Variants in SPATS2 observed in about 807,000 individuals in gnomAD.
SPATS2 encodes the protein spermatogenesis-associated serine-rich protein 2.
SPATS2 carries 38 observed loss-of-function variants against 63.7 expected under a neutral mutation model. That is an observed-to-expected ratio of 0.60 (90% CI 0.46 to 0.78). SPATS2 has a LOEUF of 0.78. Ranked by LOEUF, SPATS2 falls within the 30% of genes least tolerant of loss-of-function variation. The pLI, the probability that SPATS2 is intolerant of heterozygous loss-of-function variation, is 0.00. For synonymous variants in SPATS2, 207 were observed against 232.9 expected, an observed-to-expected ratio of 0.89 and a Z score of 1.01; for missense variants, 588 against 666.2, an observed-to-expected ratio of 0.88 and a Z score of 1.29.
intron 2 of SPATS2, among the ~76,000 whole-genome samples, chr12:49,425,124 G>A (rs1025706781): frequency 2.0e-5 from 3 of 152,090 alleles, no homozygotes; most frequent in African/African-American, 7.2e-5. Context: ...TCTATTTACG[G>A]TTTTTTTAAG....
chr12:49,455,225 C>T (rs1945698565), intron 2 of SPATS2, among the ~76,000 whole-genome samples: 1 of 152,184 alleles, frequency 6.6e-6, no homozygotes, highest in Non-Finnish European at 1.5e-5. Context: ...CTTGCACCCT[C>T]TGTCTGTAGA....
intron 9 of SPATS2, among the ~76,000 whole-genome samples, chr12:49,502,751 C>T (rs1946586358): frequency 6.6e-6 from 1 of 152,210 alleles, no homozygotes; most frequent in Non-Finnish European, 1.5e-5. Context: ...GCCACTGCGC[C>T]TGGCTGTCTT....
intron 2 of SPATS2, among the ~76,000 whole-genome samples, chr12:49,454,880 T>TAAA (rs34249831): frequency 1.5e-5 from 2 of 129,682 alleles, no homozygotes; most frequent in Non-Finnish European, 1.7e-5. Flanking sequence ...GCTCTGTCTT[T>TAAA]AAAAAAAAAA....
At chr12:49,435,690 G>A (rs1306970338) in intron 2 of SPATS2, among the ~76,000 whole-genome samples, 3 of 137,238 alleles carry the variant, frequency 2.2e-5, no homozygotes, top group Non-Finnish European at 3.1e-5. Flanking sequence ...GGTGTTTCTC[G>A]CAGAGGGGGA....
At chr12:49,503,981 T>G (rs1363490829) in intron 9 of SPATS2, among the ~76,000 whole-genome samples, 1 of 152,188 alleles carries the variant, frequency 6.6e-6, no homozygotes, top group Non-Finnish European at 1.5e-5. Flanking sequence ...CCTTTCCTGC[T>G]AGTATAAAGC....
At chr12:49,374,323 C>G (rs1183384017) in intron 2 of SPATS2, among the ~76,000 whole-genome samples, 1 of 151,972 alleles carries the variant, frequency 6.6e-6, no homozygotes, top group Admixed American at 6.6e-5. Flanking sequence ...GAGACAGGGT[C>G]TTGCTTTGTT....
At chr12:49,520,956 T>C (rs1946931730) in intron 11 of SPATS2, among the ~76,000 whole-genome samples, 1 of 152,170 alleles carries the variant, frequency 6.6e-6, no homozygotes, top group Non-Finnish European at 1.5e-5. Flanking sequence ...TGACCCCAAG[T>C]GATGCACTCA....
At chr12:49,489,169 C>T (rs745909735) in intron 4 of SPATS2, among the ~76,000 whole-genome samples, 11 of 152,196 alleles carry the variant, frequency 7.2e-5, no homozygotes, top group Admixed American at 1.3e-4. Flanking sequence ...ATTGATGCCA[C>T]ATTAATACCT....
chr12:49,406,284 C>T (rs1565706189), intron 2 of SPATS2, among the ~76,000 whole-genome samples: 1 of 142,514 alleles, frequency 7.0e-6, no homozygotes, highest in African/African-American at 2.6e-5. Flanking sequence ...TTTTTGTAAA[C>T]TTTTTTTTTT....
chr12:49,395,569 C>T (rs567358610), intron 2 of SPATS2, among the ~76,000 whole-genome samples: 8 of 151,960 alleles, frequency 5.3e-5, no homozygotes, highest in East Asian at 3.9e-4. Flanking sequence ...GGATTACAGG[C>T]GCCCATCACC....
chr12:49,448,212 A>G (rs1945550645), intron 2 of SPATS2, among the ~76,000 whole-genome samples: 1 of 145,610 alleles, frequency 6.9e-6, no homozygotes, highest in Non-Finnish European at 1.5e-5. Context: ...ATCTCGGCTC[A>G]CTGCAAGCTC....
intron 2 of SPATS2, among the ~76,000 whole-genome samples, chr12:49,407,334 T>C (rs1944714312): frequency 1.3e-5 from 2 of 152,156 alleles, no homozygotes; most frequent in Non-Finnish European, 2.9e-5. Flanking sequence ...ACTCCTTTGC[T>C]CAAGATCTTC....
intron 7 of SPATS2, among the ~76,000 whole-genome samples, chr12:49,496,594 T>C (rs1307387177): frequency 6.6e-6 from 1 of 152,212 alleles, no homozygotes; most frequent in Non-Finnish European, 1.5e-5. Flanking sequence ...TATCTAAAGA[T>C]GTGTTGCCAC....
chr12:49,510,562 CAA>C (rs1270614197), intron 9 of SPATS2, among the ~76,000 whole-genome samples: 1,875 of 88,332 alleles, frequency 0.021, 34 homozygotes, highest in African/African-American at 0.056. Context: ...GACCCTGTCT[CAA>C]AAAAAAAAAA....
intron 2 of SPATS2, among the ~76,000 whole-genome samples, chr12:49,439,108 CAA>C (rs1945370336): frequency 6.6e-6 from 1 of 152,106 alleles, no homozygotes; most frequent in African/African-American, 2.4e-5. Flanking sequence ...GACATTTGAA[CAA>C]AGAGAGAGAA....
Position 49,420,166 on chromosome 12 carries a change from TAGAA to T in SPATS2, c.-243-40602_-243-40599del, listed in dbSNP as rs1944954773. ...GGTCTTCCTTAAACACGTAGATGGGTAGAAAAGGATGTTTCTTTCCCTTGAGCTT... is the reference window on the plus strand; with the variant it reads ...GGTCTTCCTTAAACACGTAGATGGGTAAGGATGTTTCTTTCCCTTGAGCTT... On this transcript the variant is annotated intron_variant, in intron 2 of 13. Coordinates refer to ENST00000552918, the MANE Select transcript of SPATS2 (RefSeq NM_023071.4). Among the ~76,000 whole-genome samples, 4 of 152,354 alleles carry T rather than the reference TAGAA, an allele frequency of 2.6e-5. No individual in the cohort carries two copies. In the East Asian group the frequency reaches 7.7e-4, roughly 29 times the overall value.
At chr12:49,457,638 G>T (rs868313686) in intron 2 of SPATS2, among the ~76,000 whole-genome samples, 32 of 152,154 alleles carry the variant, frequency 2.1e-4, no homozygotes, top group African/African-American at 6.7e-4. Context: ...TCACCATGCC[G>T]GTCAGACTGG....
chr12:49,471,274 C>A (rs1485134362), intron 3 of SPATS2, among the ~76,000 whole-genome samples: 1 of 152,056 alleles, frequency 6.6e-6, no homozygotes, highest in Non-Finnish European at 1.5e-5. Flanking sequence ...CAACTTGAGA[C>A]CATTTATAAT....
At chr12:49,484,567 A>G in intron 3 of SPATS2, 23 bp from the exon 4 acceptor site, 7 of 1,608,624 alleles carry the variant, frequency 4.4e-6, no homozygotes, top group Non-Finnish European at 6.0e-6. Context: ...CATGTTGAAT[A>G]TATTTTTCCC....
Sources: allele counts gnomAD v4.1 joint callset (sites outside exome capture counted in the v4.1 genomes callset), GRCh38; gene constraint gnomAD v4.1.1; transcripts MANE v1.5; gene names NCBI Gene and HGNC (gene_info 2026-07-23, HGNC 2026-07-21).